The following CD101 variants were observed in gnomAD, a reference collection of about 807,000 sequenced individuals.
CD101 encodes CD101 molecule.
Under a neutral mutation model 98.2 loss-of-function variants are expected in CD101, and 76 were observed. The ratio of observed to expected loss-of-function variants is 0.77; its 90% CI spans 0.64 to 0.94. The LOEUF is 0.94. Ranked by LOEUF, CD101 falls within the 40% of genes least tolerant of loss-of-function variation. CD101 has a pLI of 0.00. For synonymous variants in CD101, 471 were observed against 472.7 expected, an observed-to-expected ratio of 1.00 and a Z score of 0.05; for missense variants, 1,145 against 1,218.8, an observed-to-expected ratio of 0.94 and a Z score of 0.90.
intron 1 of CD101, among the ~76,000 whole-genome samples, chr1:117,003,205 C>T (rs115387266): frequency 0.02 from 2,979 of 152,210 alleles, 104 homozygotes; most frequent in African/African-American, 0.069. Context: ...GTGCAGGGAC[C>T]CGAATGGCTG....
chr1:117,019,432 A>G lies in CD101; in HGVS notation c.2017+872A>G, dbSNP rs983580174. ...TAATGATCCCCTTGTTCATGAATTC[A>G]TGCTTAATTAATTTGTCCTCTCTGT... is the stretch of plus-strand genomic sequence containing the variant. On this transcript the variant is annotated intron_variant, in intron 6 of 9. Transcript: ENST00000682167. The surrounding 1 kb of genome is among the most constrained non-coding windows in gnomAD (Gnocchi z 4.3). 6.6e-6 allele frequency among the ~76,000 whole-genome samples: 1 copy of G among 151,990 alleles called. No homozygotes were observed. The highest frequency in any genetic ancestry group is 6.6e-5 in the Admixed American group (1 of 15,262).
intron 4 of CD101, among the ~76,000 whole-genome samples, chr1:117,014,027 A>G (rs549592669): frequency 6.6e-6 from 1 of 152,260 alleles, no homozygotes; most frequent in Non-Finnish European, 1.5e-5. Context: ...TTACGTCTCT[A>G]AGTCTCAGCT....
In CD101 at chr1:117,009,848, A is replaced by G; in HGVS notation, c.44-2A>G. Reference sequence around the variant, plus strand: ...TTCCCCTTTCTTTCTCCTACTTACAAGCTAAGCTCAGCATTGGCCAGAGAG... The same window carrying G: ...TTCCCCTTTCTTTCTCCTACTTACAGGCTAAGCTCAGCATTGGCCAGAGAG... On this transcript the variant is annotated splice_acceptor_variant, in intron 1 of 9. Coordinates refer to ENST00000682167, the MANE Select transcript of CD101 (RefSeq NM_001256106.3). LOFTEE classifies it high-confidence loss of function. 1 of 1,588,384 alleles carries G rather than the reference A, an allele frequency of 6.3e-7. No individual in the cohort carries two copies. The highest frequency in any genetic ancestry group is 8.6e-7 in the Non-Finnish European group (1 of 1,161,456).
At position 117,006,392 on chromosome 1, in the gene CD101, C is replaced by G. The variant is rs1652530940; in HGVS notation, c.44-3458C>G. ...GTGAGGTTCATTTTCCTAAAACCTC[C>G]TAAACACTTTCAGTGGATTCCCCAT... is the stretch of plus-strand genomic sequence containing the variant. On this transcript the variant is annotated intron_variant, in intron 1 of 9. Coordinates refer to ENST00000682167, the MANE Select transcript of CD101 (RefSeq NM_001256106.3). The surrounding 1 kb of genome is among the most constrained non-coding windows in gnomAD (Gnocchi z 4.4). Among the ~76,000 whole-genome samples, 2 of 152,170 alleles carry G rather than the reference C, an allele frequency of 1.3e-5. No homozygotes were observed. Among genetic ancestry groups the G allele is most frequent in the South Asian group, 4.1e-4 (2 of 4,828 alleles).
At chr1:117,014,659 A>G (rs1292229460) in intron 4 of CD101, among the ~76,000 whole-genome samples, 1 of 152,222 alleles carries the variant, frequency 6.6e-6, no homozygotes, top group Admixed American at 6.5e-5. Context: ...AAGTCCAGAA[A>G]GATTAATTGC....
At position 117,001,765 on chromosome 1, in the gene CD101, A is replaced by G; in HGVS notation, c.-53A>G. ...GTGAGAGCACAGCATTTGTCACTCA[A>G]CCTCTGAATGTTAGTGACACTATTG... On this transcript the variant is annotated 5_prime_UTR_variant, in exon 1 of 10. Coordinates refer to ENST00000682167, the MANE Select transcript of CD101 (RefSeq NM_001256106.3). 6.4e-7 allele frequency: 1 copy of G among 1,555,458 alleles called. No individual in the cohort carries two copies. The highest frequency in any genetic ancestry group is 8.9e-7 in the Non-Finnish European group (1 of 1,128,164).
At chr1:117,025,173 G>C (rs1653825086) in intron 7 of CD101, among the ~76,000 whole-genome samples, 1 of 152,056 alleles carries the variant, frequency 6.6e-6, no homozygotes, top group African/African-American at 2.4e-5. Flanking sequence ...GAGCAATCTG[G>C]CCAACATGGT....
chr1:117,003,981 T>C (rs1486499791), intron 1 of CD101, among the ~76,000 whole-genome samples: 1 of 152,018 alleles, frequency 6.6e-6, no homozygotes, highest in East Asian at 1.9e-4. Context: ...TTTGTCCCAA[T>C]TTTTTTTTAG....
chr1:117,034,355 G>A, intron 9 of CD101: 1 of 486,862 alleles, frequency 2.1e-6, no homozygotes, highest in Non-Finnish European at 3.7e-6. Flanking sequence ...ATCTCTTGAA[G>A]GTTCAGGTCC....
rs558868339 is a variant in CD101, at chr1:117,030,725, G to T, written c.2825-3135G>T. 2.0e-5 allele frequency among the ~76,000 whole-genome samples: 3 copies of T among 152,348 alleles called. No individual in the cohort carries two copies. In the East Asian group the frequency reaches 5.8e-4, roughly 29 times the overall value. On this transcript the variant is annotated intron_variant, in intron 8 of 9. Coordinates refer to ENST00000682167, the MANE Select transcript of CD101 (RefSeq NM_001256106.3). ...GATTCACTTATTCTGGGATGCACTT[G>T]TTATCAGGTTACCTTACCCTACTTT...
At chr1:117,035,781 T>G (rs1335346141) in intron 9 of CD101, among the ~76,000 whole-genome samples, 2 of 152,130 alleles carry the variant, frequency 1.3e-5, no homozygotes, top group Non-Finnish European at 2.9e-5. Context: ...CTCGATCTCC[T>G]GACTTCATGA....
chr1:117,008,259 G>T (rs571887220), intron 1 of CD101, among the ~76,000 whole-genome samples: 18 of 152,262 alleles, frequency 1.2e-4, no homozygotes, highest in Admixed American at 5.2e-4. Context: ...GAGGTCAGGA[G>T]TTCGAGACCA....
intron 8 of CD101, among the ~76,000 whole-genome samples, chr1:117,027,910 C>T (rs1654054052): frequency 6.6e-6 from 1 of 151,886 alleles, no homozygotes; most frequent in Non-Finnish European, 1.5e-5. Flanking sequence ...ATGGAGAAAC[C>T]CTGTGTGTAC....
In CD101 at chr1:117,021,583, A is replaced by G. The variant is rs764994491; in HGVS notation, c.2028A>G (p.Leu676=). The G allele has an allele frequency of 2.5e-6, 4 of 1,575,876 alleles. No homozygotes were observed. The African/African-American group carries it at 5.5e-5, about 22-fold the overall frequency. The part of the protein sequence containing the change: ...RIAVTLPESK[L]KVNSRSQVQE... Reference sequence around the variant, plus strand: ...TTTTTTTAAATTTAGAGAGCAAGCTAAAAGTGAATTCAAGGAGTCAAGTCC... The same window carrying G: ...TTTTTTTAAATTTAGAGAGCAAGCTGAAAGTGAATTCAAGGAGTCAAGTCC... Residue 676 remains leucine, a synonymous_variant, in exon 7 of 10, where the codon CTA becomes CTG. Coordinates refer to ENST00000682167, the MANE Select transcript of CD101 (RefSeq NM_001256106.3). The surrounding 1 kb of genome is among the most constrained non-coding windows in gnomAD (Gnocchi z 4.7).
chr1:117,024,864 G>T (rs1653806857), intron 7 of CD101, among the ~76,000 whole-genome samples: 1 of 152,142 alleles, frequency 6.6e-6, no homozygotes, highest in Non-Finnish European at 1.5e-5. Flanking sequence ...TAAAAGTTGT[G>T]AATGACCACT....
At position 117,011,594 on chromosome 1, in the gene CD101, G is replaced by A. The variant is rs34999087; in HGVS notation, c.469G>A (p.Gly157Ser). 4.2e-3 allele frequency: 6,838 copies of A among 1,613,828 alleles called. 94 individuals carry two copies. In the African/African-American group the frequency reaches 0.048, roughly 11 times the overall value. The change falls in exon 3 of 10, where the codon GGT (glycine) becomes AGT (serine). Residue 157 changes from glycine to serine, a missense_variant. Transcript: ENST00000682167. ...LSATMSSQTL[G>S]KEEGEPLALT... Reference sequence around the variant, plus strand: ...TGCCACCATGAGTTCTCAGACTCTCGGTAAGGAGGAAGGTGAGCCATTAGC... The same window carrying A: ...TGCCACCATGAGTTCTCAGACTCTCAGTAAGGAGGAAGGTGAGCCATTAGC...
chr1:117,025,903 A>G lies in CD101; in HGVS notation c.2823A>G (p.Ser941=). Residue 941 remains serine (S), a splice_region_variant and synonymous_variant, in exon 8 of 10, where the codon TCA becomes TCG. Coordinates refer to ENST00000682167, the MANE Select transcript of CD101 (RefSeq NM_001256106.3). ...SQRMVLTVLP[S]EPTLPSRICS... ...GGATGGTGCTCACGGTGCTGCCTTC[A>G]GGTAACCAGGGGTTTATCTACCGCG... The G allele has an allele frequency of 1.2e-6, 2 of 1,602,930 alleles. No individual in the cohort carries two copies. Among genetic ancestry groups the G allele is most frequent in the Non-Finnish European group, 1.7e-6 (2 of 1,171,798 alleles).
rs546222364 is a variant in CD101 at position 117,010,863 on chromosome 1, C to T, written c.424+633C>T. ...AGATTGTTCATACCACTGCTCTCAG[C>T]ATGTATCCAGTTACATGGTAATTGG... On this transcript the variant is annotated intron_variant, in intron 2 of 9. Coordinates refer to ENST00000682167, the MANE Select transcript of CD101 (RefSeq NM_001256106.3). This position sits in a 1 kb window ranked among gnomAD's most constrained non-coding sequence, Gnocchi z 5.2. Among the ~76,000 whole-genome samples the T allele has an allele frequency of 6.6e-6, 1 of 152,240 alleles. No individual in the cohort carries two copies. Among genetic ancestry groups the T allele is most frequent in the Non-Finnish European group, 1.5e-5 (1 of 68,004 alleles).
intron 1 of CD101, among the ~76,000 whole-genome samples, chr1:117,003,434 G>T (rs1464253671): frequency 6.6e-6 from 1 of 152,206 alleles, no homozygotes; most frequent in Non-Finnish European, 1.5e-5. Context: ...GCTGGGTGAC[G>T]GATGCCTGCC....
Sources: gnomAD v4.1 joint callset for allele counts (sites outside exome capture counted in the v4.1 genomes callset) on GRCh38, gnomAD v4.1.1 for gene constraint, Gnocchi (gnomAD v3.1) non-coding constraint, MANE v1.5 for transcripts, NCBI Gene and HGNC (gene_info 2026-07-23, HGNC 2026-07-21) for gene names.